Variants in SBF2 observed in about 807,000 individuals in gnomAD.
The protein encoded by SBF2 is myotubularin-related protein 13.
A neutral mutation model predicts 225.2 loss-of-function variants in SBF2; 112 were observed. The ratio of observed to expected loss-of-function variants is 0.50; its 90% confidence interval spans 0.43 to 0.58. The LOEUF (loss-of-function observed/expected upper bound fraction) is 0.58. SBF2 is among the 20% of genes least tolerant of loss of function. SBF2 has a pLI of 0.00. For missense variants in SBF2, 1,996 were observed against 2,206.2 expected (o/e 0.90, Z 1.91); for synonymous variants, 763 against 773.3 (o/e 0.99, Z 0.22).
At chr11:10,054,643 A>T (rs1264884103) in intron 2 of SBF2, among the ~76,000 whole-genome samples, 2 of 152,228 alleles carry the variant, frequency 1.3e-5, no homozygotes, top group African/African-American at 4.8e-5. Context: ...TGGGAGGAAA[A>T]TATTGTTAAA....
chr11:10,285,146 C>T (rs552459499), intron 1 of SBF2, among the ~76,000 whole-genome samples: 2 of 152,032 alleles, frequency 1.3e-5, no homozygotes, highest in East Asian at 1.9e-4. Context: ...CCCATCTCTA[C>T]AAAAAATAAG....
chr11:10,028,651 C>T (rs1385439203), intron 5 of SBF2, 94 bp from the exon 6 acceptor site: 6 of 838,784 alleles, frequency 7.2e-6, no homozygotes, highest in African/African-American at 3.3e-5. Context: ...TTAGAGCAAA[C>T]GACCATGTAA....
intron 1 of SBF2, among the ~76,000 whole-genome samples, chr11:10,197,538 G>C (rs1452422785): frequency 6.6e-6 from 1 of 152,246 alleles, no homozygotes; most frequent in East Asian, 1.9e-4. Context: ...CTGGTAGAAT[G>C]TCTTGCTTCG....
intron 2 of SBF2, among the ~76,000 whole-genome samples, chr11:10,112,132 A>G (rs370394375): frequency 3.9e-5 from 6 of 152,336 alleles, no homozygotes; most frequent in South Asian, 2.1e-4. Context: ...TGAACCCCTG[A>G]TTTCTAAAAC....
At chr11:9,984,721 CA>C (rs1229955015) in intron 13 of SBF2, among the ~76,000 whole-genome samples, 1 of 152,220 alleles carries the variant, frequency 6.6e-6, no homozygotes, top group Non-Finnish European at 1.5e-5. Flanking sequence ...ATCAGATTAA[CA>C]GCAGATTTCT....
At chr11:9,922,067 T>A (rs1256220207) in intron 16 of SBF2, among the ~76,000 whole-genome samples, 1 of 151,866 alleles carries the variant, frequency 6.6e-6, no homozygotes, top group African/African-American at 2.4e-5. Flanking sequence ...GGCAACATAG[T>A]GGGACTCCGA....
chr11:9,942,901 G>GAGAGAGAA (rs1209099295), intron 16 of SBF2, among the ~76,000 whole-genome samples: 68 of 101,384 alleles, frequency 6.7e-4, no homozygotes, highest in East Asian at 3.1e-3. Context: ...AAGAGAGAGA[G>GAGAGAGAA]AGAAAGAAAG....
intron 1 of SBF2, among the ~76,000 whole-genome samples, chr11:10,284,142 A>C (rs1324407030): frequency 6.6e-6 from 1 of 152,186 alleles, no homozygotes. Flanking sequence ...ATTAATACAG[A>C]AACCATATAC....
chr11:9,887,042 C>T (rs1396002582), intron 17 of SBF2, among the ~76,000 whole-genome samples: 2 of 151,906 alleles, frequency 1.3e-5, no homozygotes, highest in East Asian at 1.9e-4. Flanking sequence ...TACTATATTT[C>T]TTTTGGAGTA....
chr11:9,989,424 T>C, intron 13 of SBF2, 73 bp downstream of exon 13: 1 of 968,350 alleles, frequency 1.0e-6, no homozygotes, highest in East Asian at 2.6e-5. Flanking sequence ...GTAACACCCG[T>C]ACCCCAATAA....
chr11:10,161,178 C>T (rs1220385793), intron 2 of SBF2, among the ~76,000 whole-genome samples: 1 of 97,214 alleles, frequency 1.0e-5, no homozygotes, highest in Non-Finnish European at 1.9e-5. Flanking sequence ...AAGCAAGACT[C>T]TGTCTCAAAA....
chr11:10,284,212 C>G (rs1317589003), intron 1 of SBF2, among the ~76,000 whole-genome samples: 1 of 152,176 alleles, frequency 6.6e-6, no homozygotes, highest in Non-Finnish European at 1.5e-5. Context: ...AAATCACCAC[C>G]AGGATATCAT....
At chr11:10,028,584 A>C in intron 5 of SBF2, 27 bp from the exon 6 acceptor site, 2 of 1,360,218 alleles carry the variant, frequency 1.5e-6, no homozygotes, top group Non-Finnish European at 2.1e-6. Context: ...ACACAAACAC[A>C]CACACACACG....
intron 13 of SBF2, among the ~76,000 whole-genome samples, chr11:9,975,812 A>G (rs547301516): frequency 1.5e-4 from 23 of 152,278 alleles, no homozygotes; most frequent in African/African-American, 5.3e-4. Flanking sequence ...CTTCCTTCCT[A>G]TAATTAAAAA....
chr11:10,254,608 T>TAA (rs577267923), intron 1 of SBF2, among the ~76,000 whole-genome samples: 7 of 143,008 alleles, frequency 4.9e-5, no homozygotes, highest in African/African-American at 7.7e-5. Context: ...ATTCAGCCTT[T>TAA]AAAAAAAAAA....
chr11:10,092,297 A>G (rs187130513), intron 2 of SBF2, among the ~76,000 whole-genome samples: 64 of 152,262 alleles, frequency 4.2e-4, no homozygotes, highest in Non-Finnish European at 7.6e-4. Context: ...GAGATAACAT[A>G]TACATGATTT....
chr11:10,076,323 A>T (rs765584772), intron 2 of SBF2, among the ~76,000 whole-genome samples: 2 of 152,190 alleles, frequency 1.3e-5, no homozygotes, highest in Non-Finnish European at 2.9e-5. Flanking sequence ...GCCATTCTTG[A>T]TCCAACTAAG....
rs1852701796 is a variant in SBF2 at position 9,790,919 on chromosome 11, C to CT, written c.4571-237_4571-236insA. On this transcript the variant is annotated intron_variant, in intron 33 of 39. Transcript: ENST00000256190. ...ATCTGATAAAGTTTGCCTAAGCAGC[C>CT]AGCAGTCTATCAATCATGACTCTTC... is the stretch of plus-strand genomic sequence containing the variant. The CT allele has an allele frequency of 2.9e-5, 12 of 409,552 alleles. No homozygotes were observed. In the East Asian group the frequency reaches 6.2e-4, roughly 21 times the overall value. The allele number at this position is 409,552 out of a possible 1,614,324, so 25.4% of individuals were successfully genotyped here. A position where few individuals can be genotyped will look rare whatever the true frequency, so the allele number is the denominator to read the frequency against.
chr11:10,226,436 C>T (rs759319832), intron 1 of SBF2, among the ~76,000 whole-genome samples: 64 of 151,776 alleles, frequency 4.2e-4, no homozygotes, highest in Non-Finnish European at 6.3e-4. Flanking sequence ...CCCATCAACT[C>T]GTCATTTAGC....
Sources: allele counts gnomAD v4.1 joint callset (sites outside exome capture counted in the v4.1 genomes callset), GRCh38; gene constraint gnomAD v4.1.1; transcripts MANE v1.5; gene names NCBI Gene and HGNC (gene_info 2026-07-23, HGNC 2026-07-21).